Variants in ASPH observed in about 807,000 individuals in gnomAD.
ASPH encodes aspartate beta-hydroxylase.
ASPH carries 100 observed loss-of-function variants against 118.4 expected under a neutral mutation model. The ratio of observed to expected loss-of-function variants is 0.84; its 90% CI spans 0.72 to 1.00. ASPH has a LOEUF of 1.00. Among genes scored for constraint, ASPH ranks in the 50% least tolerant of loss-of-function variants. The probability of loss-of-function intolerance (pLI) is 0.00; values close to 1 mark genes in which losing one functional copy is unlikely to be tolerated. For synonymous variants in ASPH, 315 were observed against 325.6 expected (o/e 0.97, Z 0.35); for missense variants, 920 against 919.5 (o/e 1.00, Z -0.01).
At position 61,577,421 on chromosome 8, in the gene ASPH, A is replaced by AAAG. The variant is rs1554648519; in HGVS notation, c.1063-566_1063-564dup. Reference sequence around the variant, plus strand: ...TCGCAAAAAAAAAAAAAAAAAAAAAAAAGACAAGACACCTGATAAATGATG... The same window carrying AAAG: ...TCGCAAAAAAAAAAAAAAAAAAAAAAAAGAAGACAAGACACCTGATAAATGATG... On this transcript the variant is annotated intron_variant, in intron 15 of 24. Transcript: ENST00000379454. Among the ~76,000 whole-genome samples, 143 of 148,360 alleles carry AAAG rather than the reference A, an allele frequency of 9.6e-4. 1 individual carries two copies. Among genetic ancestry groups the AAAG allele is most frequent in the African/African-American group, 3.6e-3 (140 of 39,332 alleles).
chr8:61,609,103 AC>A (rs1846487005), intron 14 of ASPH, among the ~76,000 whole-genome samples: 2 of 152,166 alleles, frequency 1.3e-5, no homozygotes, highest in Admixed American at 1.3e-4. Context: ...CAGGTGATAC[AC>A]CACGAGTGCG....
chr8:61,622,553 CTGACCAGT>C (rs1851352628), intron 13 of ASPH, among the ~76,000 whole-genome samples: 1 of 152,232 alleles, frequency 6.6e-6, no homozygotes, highest in African/African-American at 2.4e-5. Context: ...AGCACCCAGA[CTGACCAGT>C]CCTCACGTCA....
intron 2 of ASPH, among the ~76,000 whole-genome samples, chr8:61,681,316 GT>G (rs1487565275): frequency 5.9e-5 from 9 of 151,648 alleles, no homozygotes; most frequent in Non-Finnish European, 8.9e-5. Flanking sequence ...GATCTAATTA[GT>G]TCAGAATAAT....
intron 22 of ASPH, among the ~76,000 whole-genome samples, chr8:61,523,839 C>T (rs1162866583): frequency 1.3e-5 from 2 of 151,738 alleles, no homozygotes; most frequent in Non-Finnish European, 2.9e-5. Context: ...CCTGTAATCT[C>T]AGCATTTTGG....
At chr8:61,610,853 A>G (rs901667294) in intron 14 of ASPH, among the ~76,000 whole-genome samples, 4 of 152,220 alleles carry the variant, frequency 2.6e-5, no homozygotes, top group Non-Finnish European at 5.9e-5. Flanking sequence ...GGCAGCAAAA[A>G]GACAAAGACA....
chr8:61,507,018 T>C (rs1428533357), intron 24 of ASPH, among the ~76,000 whole-genome samples: 1 of 152,146 alleles, frequency 6.6e-6, no homozygotes. Flanking sequence ...AATAACTGAA[T>C]AGAAAATTCT....
intron 1 of ASPH, among the ~76,000 whole-genome samples, chr8:61,701,294 A>G (rs1210455998): frequency 6.6e-6 from 1 of 152,252 alleles, no homozygotes; most frequent in Non-Finnish European, 1.5e-5. Context: ...TTGAACATAC[A>G]TAGTTTATTT....
At chr8:61,709,208 AC>A (rs1291643343) in intron 1 of ASPH, among the ~76,000 whole-genome samples, 1 of 152,180 alleles carries the variant, frequency 6.6e-6, no homozygotes, top group African/African-American at 2.4e-5. Flanking sequence ...TCCCTGAAAA[AC>A]AAAGATCAAA....
chr8:61,625,971 AT>A, intron 13 of ASPH: 9 of 1,156,712 alleles, frequency 7.8e-6, no homozygotes, highest in Non-Finnish European at 9.6e-6. Context: ...ACACACATAA[AT>A]TCAGGTAAGA....
intron 1 of ASPH, among the ~76,000 whole-genome samples, chr8:61,696,486 A>G (rs995873982): frequency 1.3e-5 from 2 of 152,210 alleles, no homozygotes; most frequent in Admixed American, 6.5e-5. Context: ...GGGTCCACCC[A>G]TGCCTGTCAT....
intron 13 of ASPH, among the ~76,000 whole-genome samples, chr8:61,620,137 G>A (rs6471964): frequency 6.6e-6 from 1 of 152,046 alleles, no homozygotes; most frequent in African/African-American, 2.4e-5. Flanking sequence ...TTGCTCCTTT[G>A]AGACTCTACA....
intron 24 of ASPH, 133 bp downstream of exon 24, chr8:61,517,395 T>C (rs1811307031): frequency 1.5e-6 from 2 of 1,302,186 alleles, no homozygotes; most frequent in Admixed American, 4.6e-5. Context: ...CTTAAGAGTT[T>C]GGATTAATAT....
chr8:61,571,708 C>T (rs775572699), intron 16 of ASPH, among the ~76,000 whole-genome samples: 1 of 152,228 alleles, frequency 6.6e-6, no homozygotes, highest in Non-Finnish European at 1.5e-5. Context: ...GACTTTGGTA[C>T]TCACAATTAA....
At chr8:61,577,399 CAAAAAAAAAA>C (rs775523503) in intron 15 of ASPH, among the ~76,000 whole-genome samples, 2 of 23,290 alleles carry the variant, frequency 8.6e-5, no homozygotes, top group African/African-American at 1.8e-4. Context: ...CCCAATCTCG[CAAAAAAAAAA>C]AAAAAAAAAA....
intron 13 of ASPH, chr8:61,624,477 AC>A: frequency 4.1e-6 from 4 of 968,002 alleles, no homozygotes; most frequent in Non-Finnish European, 4.9e-6. Flanking sequence ...GATAAAATGA[AC>A]TGATTTTATT....
chr8:61,626,442 G>T (rs1031229988), intron 13 of ASPH, among the ~76,000 whole-genome samples: 1 of 151,858 alleles, frequency 6.6e-6, no homozygotes, highest in Non-Finnish European at 1.5e-5. Flanking sequence ...ATCAACTACC[G>T]AAAGAAGCCC....
chr8:61,574,065 A>C (rs933520436), intron 16 of ASPH, among the ~76,000 whole-genome samples: 1 of 152,240 alleles, frequency 6.6e-6, no homozygotes, highest in Non-Finnish European at 1.5e-5. Flanking sequence ...TTCTCAAAAG[A>C]AGACATTTAT....
chr8:61,584,100 C>CA, intron 14 of ASPH, 71 bp from the exon 15 acceptor site: 2 of 993,174 alleles, frequency 2.0e-6, no homozygotes, highest in Non-Finnish European at 2.9e-6. Context: ...TAACAATTTA[C>CA]AAGTAGTGGG....
intron 21 of ASPH, among the ~76,000 whole-genome samples, chr8:61,530,397 C>A (rs1442259586): frequency 6.6e-6 from 1 of 152,152 alleles, no homozygotes; most frequent in Non-Finnish European, 1.5e-5. Context: ...ACCAGTTACA[C>A]CTTAGCTATA....
Sources: allele counts gnomAD v4.1 joint callset (sites outside exome capture counted in the v4.1 genomes callset), GRCh38; gene constraint gnomAD v4.1.1; transcripts MANE v1.5; gene names NCBI Gene and HGNC (gene_info 2026-07-23, HGNC 2026-07-21).